The following ARID1A variants were observed in gnomAD, a reference collection of about 807,000 sequenced individuals.
The protein encoded by ARID1A is AT-rich interaction domain 1A, also known as AT-rich interactive domain-containing protein 1A.
In ARID1A, 20 loss-of-function variants were observed where a neutral mutation model predicts 212.6. The ratio of observed to expected loss-of-function variants is 0.09; its 90% confidence interval spans 0.07 to 0.14. The LOEUF (loss-of-function observed/expected upper bound fraction) is 0.14, where lower values mean the gene tolerates loss of function less well. Among genes scored for constraint, ARID1A ranks in the 10% least tolerant of loss-of-function variants. The pLI is 1.00. For missense variants in ARID1A, 2,587 were observed against 3,059.0 expected, an observed-to-expected ratio of 0.85 and a Z score of 3.64; for synonymous variants, 1,376 against 1,222.1, an observed-to-expected ratio of 1.13 and a Z score of -2.63.
rs903018169 is a variant in ARID1A at position 26,698,368 on chromosome 1, A to G, written c.1137+828A>G. Among the ~76,000 whole-genome samples, 19 of 152,150 alleles carry G rather than the reference A, an allele frequency of 1.2e-4. 1 individual carries two copies. Among genetic ancestry groups the G allele is most frequent in the African/African-American group, 4.6e-4 (19 of 41,430 alleles). ...AATCCTGATGAGCTCATAAACTTTT[A>G]CACTCTGCTTTTCTGCCAGTGATAA... On this transcript the variant is annotated intron_variant, in intron 1 of 19. Transcript: ENST00000324856.
intron 1 of ARID1A, among the ~76,000 whole-genome samples, chr1:26,706,820 C>T (rs988998091): frequency 2.6e-5 from 4 of 152,098 alleles, no homozygotes; most frequent in African/African-American, 9.7e-5. Context: ...CTGTTCTGGT[C>T]CTAAGGTGTT....
At chr1:26,744,334 C>T (rs1309507109) in intron 4 of ARID1A, among the ~76,000 whole-genome samples, 1 of 152,208 alleles carries the variant, frequency 6.6e-6, no homozygotes, top group Non-Finnish European at 1.5e-5. Flanking sequence ...CTGCTTCCTG[C>T]CTGTGTGTCT....
chr1:26,723,693 C>G (rs1429874504), intron 1 of ARID1A, among the ~76,000 whole-genome samples: 1 of 152,078 alleles, frequency 6.6e-6, no homozygotes, highest in East Asian at 1.9e-4. Context: ...AAAGCCTTTT[C>G]CTGTGTTTGG....
At chr1:26,718,480 G>C (rs150742727) in intron 1 of ARID1A, among the ~76,000 whole-genome samples, 8 of 152,276 alleles carry the variant, frequency 5.3e-5, no homozygotes, top group African/African-American at 1.7e-4. Context: ...GAAAGTACCA[G>C]ACCCTATATG....
intron 4 of ARID1A, among the ~76,000 whole-genome samples, chr1:26,759,620 A>G (rs2080972735): frequency 6.6e-6 from 1 of 152,152 alleles, no homozygotes; most frequent in Non-Finnish European, 1.5e-5. Flanking sequence ...GAGAATGAAC[A>G]TGGGGCAGGG....
intron 4 of ARID1A, among the ~76,000 whole-genome samples, chr1:26,738,124 A>G (rs954632360): frequency 2.0e-5 from 3 of 151,714 alleles, no homozygotes; most frequent in African/African-American, 7.3e-5. Context: ...CCCGGGTTCA[A>G]ACGATTCTCC....
intron 1 of ARID1A, among the ~76,000 whole-genome samples, chr1:26,706,280 A>G (rs1424616651): frequency 1.1e-4 from 16 of 152,142 alleles, no homozygotes; most frequent in Admixed American, 9.8e-4. Context: ...TCCATGGCTC[A>G]TCACTAGCAG....
At chr1:26,698,920 C>T (rs1333809480) in intron 1 of ARID1A, among the ~76,000 whole-genome samples, 2 of 152,118 alleles carry the variant, frequency 1.3e-5, no homozygotes, top group East Asian at 3.9e-4. Flanking sequence ...AGACTGGCCT[C>T]ATTCTTTGTT....
At chr1:26,703,748 A>G (rs553488416) in intron 1 of ARID1A, among the ~76,000 whole-genome samples, 1 of 152,228 alleles carries the variant, frequency 6.6e-6, no homozygotes, top group Non-Finnish European at 1.5e-5. Flanking sequence ...GGAAATTCCA[A>G]TGGGGATGGG....
Position 26,696,732 on chromosome 1 carries a change from G to A in ARID1A, c.329G>A (p.Arg110Lys), listed in dbSNP as rs2080259628. The change falls in exon 1 of 20, where the codon AGG (arginine) becomes AAG (lysine). Residue 110 changes from arginine (R) to lysine (K), a missense_variant. Coordinates refer to ENST00000324856, the MANE Select transcript of ARID1A (RefSeq NM_006015.6). ...LKNSNGNAGPRPALNNNLTEP... is the reference protein window; with the variant it reads ...LKNSNGNAGPKPALNNNLTEP... ...AACTCGAACGGGAACGCGGGCCCTA[G>A]GCCCGCCCTGAACAATAACCTCACG... is the stretch of plus-strand genomic sequence containing the variant. The A allele has an allele frequency of 1.5e-6, 2 of 1,376,750 alleles. No individual in the cohort carries two copies. The highest frequency in any genetic ancestry group is 1.9e-6 in the Non-Finnish European group (2 of 1,066,970). The allele number at this position is 1,376,750 out of a possible 1,614,324, so 85.3% of individuals were successfully genotyped here.
At position 26,780,020 on chromosome 1, in the gene ARID1A, T is replaced by C. The variant is rs1041682760; in HGVS notation, c.6122T>C (p.Val2041Ala). Reference sequence around the variant, plus strand: ...AAGGAGGAGGAACAGGACCAAGGGGTGAGCTGCAACAAAGTGGAGTGGTGG... The same window carrying C: ...AAGGAGGAGGAACAGGACCAAGGGGCGAGCTGCAACAAAGTGGAGTGGTGG... The part of the protein sequence containing the change: ...YEKEEEQDQG[V>A]SCNKVEWWWD... The change falls in exon 20 of 20, where the codon GTG becomes GCG. Residue 2041 changes from valine to alanine, a missense_variant. Physicochemically the swap from Val to Ala is moderately conservative, Grantham distance 64. Around this residue, in one of 11 missense-constraint regions of ARID1A, gnomAD observed 168 missense variants for 321.0 expected, o/e 0.52. Transcript: ENST00000324856. The surrounding 1 kb of genome is among the most constrained non-coding windows in gnomAD (Gnocchi z 7.2). The C allele has an allele frequency of 1.2e-5, 19 of 1,613,736 alleles. No homozygotes were observed. The highest frequency in any genetic ancestry group is 1.7e-5 in the Admixed American group (1 of 59,966).
Position 26,774,916 on chromosome 1 carries a change from C to T in ARID1A, c.4689C>T (p.Pro1563=), listed in dbSNP as rs2081119534. The T allele has an allele frequency of 7.2e-7, 1 of 1,383,820 alleles. No individual in the cohort carries two copies. The highest frequency in any genetic ancestry group is 9.7e-7 in the Non-Finnish European group (1 of 1,035,546). The allele number at this position is 1,383,820 out of a possible 1,614,324, so 85.7% of individuals were successfully genotyped here. A position where few individuals can be genotyped will look rare whatever the true frequency, so the allele number is the denominator to read the frequency against. Reference sequence around the variant, plus strand: ...ATGGTCCCTCTGCCCCTGTGCCCCCCATGACAAGGCCCCCTCCATCTAACT... The same window carrying T: ...ATGGTCCCTCTGCCCCTGTGCCCCCTATGACAAGGCCCCCTCCATCTAACT... The part of the protein sequence containing the change: ...PPYGPSAPVP[P]MTRPPPSNYQ... Residue 1563 remains proline, a synonymous_variant, in exon 18 of 20, where the codon CCC becomes CCT. Coordinates refer to ENST00000324856, the MANE Select transcript of ARID1A (RefSeq NM_006015.6). The surrounding 1 kb of genome is among the most constrained non-coding windows in gnomAD (Gnocchi z 5.6).
rs1198208620 is a variant in ARID1A, at chr1:26,771,089, T to C, written c.3199-30T>C. 6.2e-6 allele frequency: 10 copies of C among 1,610,248 alleles called. No homozygotes were observed. Among genetic ancestry groups the C allele is most frequent in the Admixed American group, 5.0e-5 (3 of 60,010 alleles). ...GGGCAGGAAAACCAGGCGGGAGATA[T>C]ACCTCGACTCCTTTGGTTTGGTTAT... On this transcript the variant is annotated intron_variant, in intron 11 of 19. Transcript: ENST00000324856. This position sits in a 1 kb window ranked among gnomAD's most constrained non-coding sequence, Gnocchi z 5.4.
chr1:26,744,145 T>C (rs2080814861), intron 4 of ARID1A, among the ~76,000 whole-genome samples: 1 of 152,164 alleles, frequency 6.6e-6, no homozygotes, highest in Non-Finnish European at 1.5e-5. Context: ...AGCCATCCCT[T>C]CTCTAGAACG....
At position 26,781,159 on chromosome 1, in the gene ARID1A, T is replaced by TAAAA. The variant is rs71007893; in HGVS notation, c.*418_*421dup. On this transcript the variant is annotated 3_prime_UTR_variant, in exon 20 of 20. Coordinates refer to ENST00000324856, the MANE Select transcript of ARID1A (RefSeq NM_006015.6). ...CACATTTCATAACTGTTTTTAATGG[T>TAAAA]AAAAAAAAAAAAAAAAAATACAAAA... 15 of 195,366 alleles carry TAAAA rather than the reference T, an allele frequency of 7.7e-5. No individual in the cohort carries two copies. The highest frequency in any genetic ancestry group is 3.2e-4 in the African/African-American group (11 of 34,266). 12.1% of individuals were successfully genotyped at this position (195,366 alleles called of 1,614,324 possible).
rs2124741150 is a variant in ARID1A, at chr1:26,696,688, C to T, written c.285C>T (p.Gly95=). Residue 95 remains glycine, a synonymous_variant, in exon 1 of 20, where the codon GGC becomes GGT. Transcript: ENST00000324856. ...GGGAGSGGGP[G]AEPDLKNSNG... ...GAGCCGGCAGCGGCGGCGGGCCCGG[C>T]GCGGAGCCGGACCTGAAGAACTCGA... is the stretch of plus-strand genomic sequence containing the variant. 3 of 1,329,512 alleles carry T rather than the reference C, an allele frequency of 2.3e-6. No homozygotes were observed. Among genetic ancestry groups the T allele is most frequent in the East Asian group, 3.1e-5 (1 of 32,104 alleles). 82.4% of individuals were successfully genotyped at this position (1,329,512 alleles called of 1,614,324 possible).
intron 1 of ARID1A, among the ~76,000 whole-genome samples, chr1:26,711,646 G>A (rs2080455658): frequency 6.6e-6 from 1 of 152,170 alleles, no homozygotes; most frequent in Non-Finnish European, 1.5e-5. Flanking sequence ...ATAAGTTCTA[G>A]TCACAAAACA....
At chr1:26,709,626 C>CATTTTTT (rs1180563591) in intron 1 of ARID1A, among the ~76,000 whole-genome samples, 9 of 118,508 alleles carry the variant, frequency 7.6e-5, no homozygotes, top group Non-Finnish European at 1.4e-4. Flanking sequence ...TACTGTAATG[C>CATTTTTT]TTTTTTTTTT....
Position 26,774,675 on chromosome 1 carries a change from G to A in ARID1A, c.4448G>A (p.Gly1483Asp). Residue 1483 changes from glycine to aspartate, a missense_variant, in exon 18 of 20, where the codon GGC (glycine) becomes GAC (aspartate). Transcript: ENST00000324856. The surrounding 1 kb of genome is among the most constrained non-coding windows in gnomAD (Gnocchi z 5.6). The part of the protein sequence containing the change: ...QQNMPPQMMG[G>D]PIQASAEVAQ... ...AACATGCCACCACAAATGATGGGCGGCCCCATACAGGCATCAGCTGAGGTT... is the reference window on the plus strand; with the variant it reads ...AACATGCCACCACAAATGATGGGCGACCCCATACAGGCATCAGCTGAGGTT... 6.2e-7 allele frequency: 1 copy of A among 1,614,206 alleles called. No individual in the cohort carries two copies. The highest frequency in any genetic ancestry group is 8.5e-7 in the Non-Finnish European group (1 of 1,180,036).
Sources: gnomAD v4.1 joint callset for allele counts (sites outside exome capture counted in the v4.1 genomes callset) on GRCh38, gnomAD v4.1.1 for gene constraint, gnomAD v4.1.1 regional missense constraint, Gnocchi (gnomAD v3.1) non-coding constraint, MANE v1.5 for transcripts, NCBI Gene and HGNC (gene_info 2026-07-23, HGNC 2026-07-21) for gene names.